Variants in ENOX1 observed in about 807,000 individuals in gnomAD.
The protein encoded by ENOX1 is ecto-NOX disulfide-thiol exchanger 1, also known as candidate growth-related and time keeping constitutive hydroquinone (NADH) oxidase.
Under a neutral mutation model 82.5 loss-of-function variants are expected in ENOX1, and 42 were observed. The observed-to-expected ratio is 0.51, with a 90% CI of 0.40 to 0.66. The LOEUF (loss-of-function observed/expected upper bound fraction) is 0.66, where lower values mean the gene tolerates loss of function less well. ENOX1 is among the 30% of genes least tolerant of loss of function. The probability of loss-of-function intolerance (pLI) is 0.00; values close to 1 mark genes in which losing one functional copy is unlikely to be tolerated. For synonymous variants in ENOX1, 271 were observed against 282.2 expected (o/e 0.96, Z 0.40); for missense variants, 608 against 811.6 (o/e 0.75, Z 3.05).
chr13:43,245,562 T>G (rs544191057), intron 14 of ENOX1, among the ~76,000 whole-genome samples: 3 of 152,138 alleles, frequency 2.0e-5, no homozygotes, highest in African/African-American at 7.2e-5. Context: ...CATCCCCCAA[T>G]AGTGAGCAGG....
intron 3 of ENOX1, among the ~76,000 whole-genome samples, chr13:43,416,276 G>A (rs1242572946): frequency 1.1e-4 from 15 of 142,264 alleles, no homozygotes; most frequent in African/African-American, 3.0e-4. Flanking sequence ...TCTCCCAGAC[G>A]GGGCGGCCGG....
intron 2 of ENOX1, among the ~76,000 whole-genome samples, chr13:43,504,589 A>G (rs1300070284): frequency 2.0e-5 from 3 of 151,678 alleles, no homozygotes; most frequent in Non-Finnish European, 4.4e-5. Flanking sequence ...GCTACATGAT[A>G]CTACTAATAT....
chr13:43,600,571 G>A (rs2081663485), intron 2 of ENOX1, among the ~76,000 whole-genome samples: 1 of 152,164 alleles, frequency 6.6e-6, no homozygotes, highest in African/African-American at 2.4e-5. Context: ...CTGGCTCCAG[G>A]ACAGCATCTC....
intron 2 of ENOX1, among the ~76,000 whole-genome samples, chr13:43,576,582 GA>G (rs887629423): frequency 2.3e-4 from 34 of 149,234 alleles, no homozygotes; most frequent in Middle Eastern, 3.5e-3. Flanking sequence ...TACTGCTACT[GA>G]AAAAAAAAAT....
At chr13:43,242,747 T>C (rs889445236) in intron 14 of ENOX1, among the ~76,000 whole-genome samples, 2 of 152,250 alleles carry the variant, frequency 1.3e-5, no homozygotes, top group Non-Finnish European at 2.9e-5. Flanking sequence ...AGAGGTGACA[T>C]GGATGGTCCA....
chr13:43,567,162 A>G (rs914475193), intron 2 of ENOX1, among the ~76,000 whole-genome samples: 1 of 152,174 alleles, frequency 6.6e-6, no homozygotes, highest in African/African-American at 2.4e-5. Flanking sequence ...ATATACAACT[A>G]AAACCTGATA....
chr13:43,338,232 C>T (rs934963515), intron 9 of ENOX1, among the ~76,000 whole-genome samples: 4 of 152,180 alleles, frequency 2.6e-5, no homozygotes, highest in African/African-American at 9.7e-5. Context: ...TTATAAACAG[C>T]TCCTGTACGA....
chr13:43,360,857 A>G (rs555061416), intron 6 of ENOX1, among the ~76,000 whole-genome samples: 60 of 152,208 alleles, frequency 3.9e-4, no homozygotes, highest in Non-Finnish European at 7.9e-4. Flanking sequence ...TCTGAGATGC[A>G]GGCTTCCCTC....
intron 5 of ENOX1, among the ~76,000 whole-genome samples, chr13:43,367,641 C>G (rs1479975169): frequency 6.6e-6 from 1 of 151,166 alleles, no homozygotes; most frequent in Non-Finnish European, 1.5e-5. Context: ...CTTTTGGCCC[C>G]CAGAACTGCA....
At chr13:43,738,886 A>G (rs2089759248) in intron 1 of ENOX1, among the ~76,000 whole-genome samples, 1 of 151,978 alleles carries the variant, frequency 6.6e-6, no homozygotes, top group South Asian at 2.1e-4. Context: ...CTTCCAGTCC[A>G]TTTCCTCTCT....
At chr13:43,273,623 C>T (rs904154340) in intron 12 of ENOX1, among the ~76,000 whole-genome samples, 4 of 152,154 alleles carry the variant, frequency 2.6e-5, no homozygotes, top group African/African-American at 9.7e-5. Flanking sequence ...TAGGTAGAGA[C>T]AATCCCTCAC....
chr13:43,681,889 A>G (rs78953565), intron 1 of ENOX1, among the ~76,000 whole-genome samples: 7,612 of 152,126 alleles, frequency 0.05, 181 homozygotes, highest in African/African-American at 0.066. Flanking sequence ...ATTTCCTCAT[A>G]TGCTATTTCT....
intron 11 of ENOX1, among the ~76,000 whole-genome samples, chr13:43,304,666 G>C (rs1593816530): frequency 6.6e-6 from 1 of 152,158 alleles, no homozygotes; most frequent in Non-Finnish European, 1.5e-5. Context: ...GATGATTTAT[G>C]GAGAAGTTAA....
intron 1 of ENOX1, among the ~76,000 whole-genome samples, chr13:43,673,371 G>A (rs933614452): frequency 3.9e-5 from 6 of 152,102 alleles, no homozygotes; most frequent in Non-Finnish European, 1.5e-5. Context: ...GTCCCTAGGT[G>A]CAGCCAAGCC....
At chr13:43,356,227 G>T in intron 7 of ENOX1, 75 bp from the exon 8 acceptor site, 3 of 1,316,834 alleles carry the variant, frequency 2.3e-6, no homozygotes, top group Non-Finnish European at 2.1e-6. Flanking sequence ...TTCAAGGCAC[G>T]CTTAGGCAAA....
chr13:43,439,102 G>C (rs921651395), intron 3 of ENOX1, among the ~76,000 whole-genome samples: 4 of 147,644 alleles, frequency 2.7e-5, no homozygotes, highest in African/African-American at 5.0e-5. Flanking sequence ...GAGTGCAGTG[G>C]TGCAATCTCG....
At chr13:43,255,318 C>A (rs541907150) in intron 14 of ENOX1, among the ~76,000 whole-genome samples, 4 of 152,116 alleles carry the variant, frequency 2.6e-5, no homozygotes, top group African/African-American at 4.8e-5. Context: ...CCATATATGA[C>A]AAACACAGTT....
At chr13:43,415,232 GTTTTTTTTTTTT>G (rs71202260) in intron 3 of ENOX1, among the ~76,000 whole-genome samples, 3 of 54,634 alleles carry the variant, frequency 5.5e-5, no homozygotes, top group African/African-American at 2.2e-4. Flanking sequence ...CCAATCCAAT[GTTTTTTTTTTTT>G]TTTTTTTTTT....
chr13:43,728,367 G>T (rs79922152), intron 1 of ENOX1, among the ~76,000 whole-genome samples: 14 of 152,264 alleles, frequency 9.2e-5, no homozygotes, highest in African/African-American at 2.9e-4. Context: ...TTTGAGGGGA[G>T]AAAAAACCAT....
Sources: allele counts gnomAD v4.1 joint callset (sites outside exome capture counted in the v4.1 genomes callset), GRCh38; gene constraint gnomAD v4.1.1; transcripts MANE v1.5; gene names NCBI Gene and HGNC (gene_info 2026-07-23, HGNC 2026-07-21).